The following LMBR1 variants were observed in gnomAD, a reference collection of about 807,000 sequenced individuals.
LMBR1 encodes the protein limb region 1 protein homolog.
LMBR1 carries 52 observed loss-of-function variants against 73.9 expected under a neutral mutation model. The observed-to-expected ratio is 0.70, with a 90% confidence interval of 0.56 to 0.89. The LOEUF (loss-of-function observed/expected upper bound fraction) is 0.89, where lower values mean the gene tolerates loss of function less well. Ranked by LOEUF, LMBR1 falls within the 40% of genes least tolerant of loss-of-function variation. The pLI is 0.00. For missense variants in LMBR1, 539 were observed against 579.8 expected, an observed-to-expected ratio of 0.93 and a Z score of 0.72; for synonymous variants, 215 against 209.4, an observed-to-expected ratio of 1.03 and a Z score of -0.23.
rs114406795 is a variant in LMBR1, at chr7:156,785,559, T to A, written c.423+10830A>T. Among the ~76,000 whole-genome samples the A allele has an allele frequency of 1.0e-3, 152 of 152,252 alleles. 1 individual carries two copies. Among genetic ancestry groups the A allele is most frequent in the African/African-American group, 3.4e-3 (142 of 41,546 alleles). ...GAGAAGGAGTTTCTGAACGCTGCCT[T>A]GGAAAAAAATCTTCCTTCAACAGAA... On this transcript the variant is annotated intron_variant, in intron 5 of 16. Transcript: ENST00000353442.
chr7:156,669,959 G>T lies in LMBR1; in HGVS notation n.867-672C>A, dbSNP rs910282089. On this transcript the variant is annotated intron_variant and non_coding_transcript_variant, in intron 4 of 4. Coordinates refer to the LMBR1 transcript ENST00000430825. This position sits in a 1 kb window ranked among gnomAD's most constrained non-coding sequence, Gnocchi z 4.2. Reference sequence around the variant, plus strand: ...CCTGTTTAAAAGAAAGAAAACATGGGAAAGTGCCATCCAAGTACTAAAAGT... The same window carrying T: ...CCTGTTTAAAAGAAAGAAAACATGGTAAAGTGCCATCCAAGTACTAAAAGT... Among the ~76,000 whole-genome samples, 12 of 152,208 alleles carry T rather than the reference G, an allele frequency of 7.9e-5. No individual in the cohort carries two copies. Among genetic ancestry groups the T allele is most frequent in the African/African-American group, 2.7e-4 (11 of 41,464 alleles).
At chr7:156,699,751 A>T (rs890779599) in intron 15 of LMBR1, among the ~76,000 whole-genome samples, 5 of 152,314 alleles carry the variant, frequency 3.3e-5, no homozygotes, top group African/African-American at 1.2e-4. Flanking sequence ...GGATATGAAC[A>T]GACACTTCTC....
intron 5 of LMBR1, among the ~76,000 whole-genome samples, chr7:156,784,075 A>C (rs2133224413): frequency 6.6e-6 from 1 of 151,680 alleles, no homozygotes; most frequent in African/African-American, 2.4e-5. Context: ...AATGGTGTAG[A>C]ATGACTCAGC....
intron 15 of LMBR1, among the ~76,000 whole-genome samples, chr7:156,698,991 G>A (rs1000108724): frequency 1.3e-5 from 2 of 152,176 alleles, no homozygotes; most frequent in African/African-American, 2.4e-5. Context: ...ATGTTTAAAT[G>A]TTTAATGTTT....
intron 2 of LMBR1, chr7:156,834,616 T>C (rs1837272344): frequency 4.7e-6 from 1 of 213,708 alleles, no homozygotes; most frequent in South Asian, 6.7e-5. Context: ...AAAAAAATTG[T>C]ATATATATAT....
At chr7:156,826,554 A>G (rs1340641135) in intron 4 of LMBR1, 51 bp downstream of exon 4, 2 of 1,149,580 alleles carry the variant, frequency 1.7e-6, no homozygotes, top group Admixed American at 3.6e-5. Context: ...AATATGGTGC[A>G]GTAAAAAATT....
rs916283086 is a variant in LMBR1, at chr7:156,670,336, T to A, written n.867-1049A>T. On this transcript the variant is annotated intron_variant and non_coding_transcript_variant, in intron 4 of 4. Coordinates refer to the LMBR1 transcript ENST00000430825. This position sits in a 1 kb window ranked among gnomAD's most constrained non-coding sequence, Gnocchi z 4.3. ...GCCTTCAGCTCACTGAGGAGTCAGGTCTGCAAGGGGGGCCCTGCGTTTTGC... is the reference window on the plus strand; with the variant it reads ...GCCTTCAGCTCACTGAGGAGTCAGGACTGCAAGGGGGGCCCTGCGTTTTGC... Among the ~76,000 whole-genome samples the A allele has an allele frequency of 6.6e-6, 1 of 152,162 alleles. No homozygotes were observed. Among genetic ancestry groups the A allele is most frequent in the African/African-American group, 2.4e-5 (1 of 41,448 alleles).
rs375298084 is a variant in LMBR1 at position 156,848,071 on chromosome 7, A to T, written c.67-11186T>A. Among the ~76,000 whole-genome samples, 7 of 152,266 alleles carry T rather than the reference A, an allele frequency of 4.6e-5. 1 individual carries two copies. The highest frequency in any genetic ancestry group is 1.7e-4 in the African/African-American group (7 of 41,526). ...AGAAGATCATTCAACACTAAAAAAAAAAAAATGCAAAAGATGGAGTAAAGA... is the reference window on the plus strand; with the variant it reads ...AGAAGATCATTCAACACTAAAAAAATAAAAATGCAAAAGATGGAGTAAAGA... On this transcript the variant is annotated intron_variant, in intron 1 of 16. Coordinates refer to ENST00000353442, the MANE Select transcript of LMBR1 (RefSeq NM_022458.4).
At chr7:156,717,783 T>C (rs976433479) in intron 15 of LMBR1, among the ~76,000 whole-genome samples, 2 of 152,178 alleles carry the variant, frequency 1.3e-5, no homozygotes, top group African/African-American at 4.8e-5. Context: ...AGAAGGAGAA[T>C]GCCAACAAAA....
At chr7:156,753,172 G>A (rs1454846827) in intron 9 of LMBR1, among the ~76,000 whole-genome samples, 2 of 152,060 alleles carry the variant, frequency 1.3e-5, no homozygotes, top group Admixed American at 1.3e-4. Context: ...CAACCACAGG[G>A]ACAGGCAAGG....
At chr7:156,736,001 G>T (rs1256961701) in intron 9 of LMBR1, among the ~76,000 whole-genome samples, 1 of 152,190 alleles carries the variant, frequency 6.6e-6, no homozygotes, top group African/African-American at 2.4e-5. Context: ...TAGCGAAGAG[G>T]TCCAGGTGGC....
chr7:156,671,659 G>A (rs191862038), intron 4 of LMBR1, among the ~76,000 whole-genome samples: 11 of 152,242 alleles, frequency 7.2e-5, no homozygotes, highest in East Asian at 1.9e-4. Flanking sequence ...CGATGTTTGC[G>A]GTACAGGCGG....
At chr7:156,860,174 T>C (rs1369155710) in intron 1 of LMBR1, among the ~76,000 whole-genome samples, 1 of 152,130 alleles carries the variant, frequency 6.6e-6, no homozygotes, top group African/African-American at 2.4e-5. Context: ...TAAAGACATA[T>C]CAGAAACTGG....
chr7:156,818,044 A>T (rs1297644777), intron 4 of LMBR1, among the ~76,000 whole-genome samples: 1 of 152,214 alleles, frequency 6.6e-6, no homozygotes, highest in Non-Finnish European at 1.5e-5. Flanking sequence ...ATGATAAATG[A>T]CTGAACTACT....
intron 4 of LMBR1, among the ~76,000 whole-genome samples, chr7:156,821,304 G>A (rs1016069955): frequency 6.6e-6 from 1 of 152,200 alleles, no homozygotes; most frequent in South Asian, 2.1e-4. Flanking sequence ...GTCTCCTGGA[G>A]AGTTCCCTAA....
intron 9 of LMBR1, among the ~76,000 whole-genome samples, chr7:156,747,484 T>C (rs1202396532): frequency 6.6e-6 from 1 of 152,186 alleles, no homozygotes; most frequent in Non-Finnish European, 1.5e-5. Flanking sequence ...AGGTACTAAG[T>C]ATTTAACTTA....
chr7:156,874,354 C>T (rs1471659982), intron 1 of LMBR1, among the ~76,000 whole-genome samples: 1 of 152,226 alleles, frequency 6.6e-6, no homozygotes, highest in African/African-American at 2.4e-5. Context: ...GCAAGCGCCA[C>T]ACGCAGCCCC....
rs1172153773 is a variant in LMBR1, at chr7:156,763,602, AGT to A, written c.550+65_550+66del. 40 of 1,331,892 alleles carry A rather than the reference AGT, an allele frequency of 3.0e-5. No individual in the cohort carries two copies. In the African/African-American group the frequency reaches 5.4e-4, roughly 18 times the overall value. The allele number at this position is 1,331,892 out of a possible 1,614,324, so 82.5% of individuals were successfully genotyped here. A position where few individuals can be genotyped will look rare whatever the true frequency, so the allele number is the denominator to read the frequency against. ...AAAGATTTAAATGTTTTTAAAATTG[AGT>A]GTGTAATTATATCCCAAACTACAGT... On this transcript the variant is annotated intron_variant, in intron 6 of 16. Coordinates refer to ENST00000353442, the MANE Select transcript of LMBR1 (RefSeq NM_022458.4).
chr7:156,808,937 G>A (rs1278296351), intron 4 of LMBR1, among the ~76,000 whole-genome samples: 2 of 152,070 alleles, frequency 1.3e-5, no homozygotes, highest in African/African-American at 4.8e-5. Flanking sequence ...GTGCTTCCGT[G>A]GCTTTCCTCC....
Sources: allele counts gnomAD v4.1 joint callset (sites outside exome capture counted in the v4.1 genomes callset), GRCh38; gene constraint gnomAD v4.1.1; non-coding constraint Gnocchi (gnomAD v3.1); transcripts MANE v1.5; gene names NCBI Gene and HGNC (gene_info 2026-07-23, HGNC 2026-07-21).